SNRPD3: variants seen among roughly 807,000 people sequenced by gnomAD.
The protein encoded by SNRPD3 is small nuclear ribonucleoprotein D3 polypeptide, also known as small nuclear ribonucleoprotein Sm D3.
For missense variants in SNRPD3, 73 were observed against 167.5 expected (o/e 0.44, Z 3.11); for synonymous variants, 66 against 58.4 (o/e 1.13, Z -0.59).
chr22:24,569,946 C>T (rs1015271817), intron 3 of SNRPD3, among the ~76,000 whole-genome samples: 4 of 152,246 alleles, frequency 2.6e-5, no homozygotes, highest in Non-Finnish European at 4.4e-5. Context: ...TGTCAGGCTG[C>T]GCATGATCAG....
intron 1 of SNRPD3, 50 bp from the exon 2 acceptor site, chr22:24,557,607 G>C: frequency 7.1e-7 from 1 of 1,406,516 alleles, no homozygotes; most frequent in Non-Finnish European, 1.0e-6. Flanking sequence ...TGTGCCACAT[G>C]CCTTTTCAGA....
chr22:24,571,783 A>G, intron 3 of SNRPD3, 133 bp from the exon 4 acceptor site: 1 of 769,906 alleles, frequency 1.3e-6, no homozygotes, highest in South Asian at 1.6e-5. Flanking sequence ...TGGAAATGCA[A>G]TGGCCAGGGT....
chr22:24,568,253 G>A, intron 3 of SNRPD3, 77 bp downstream of exon 3: 2 of 1,150,836 alleles, frequency 1.7e-6, no homozygotes, highest in Non-Finnish European at 2.5e-6. Flanking sequence ...ATTACTGCCT[G>A]GAGACAGAGA....
rs145050010 is a variant in SNRPD3, at chr22:24,573,785, G to T, written c.*1808G>T. On this transcript the variant is annotated 3_prime_UTR_variant, in exon 4 of 4. Transcript: ENST00000215829. Reference sequence around the variant, plus strand: ...AGTCCCAGCTATCCTGGAGGTTGAGGCAGGACGACCACATGAGCCCAGGAG... The same window carrying T: ...AGTCCCAGCTATCCTGGAGGTTGAGTCAGGACGACCACATGAGCCCAGGAG... 7.7e-4 allele frequency among the ~76,000 whole-genome samples: 117 copies of T among 152,288 alleles called. No individual in the cohort carries two copies. Among genetic ancestry groups the T allele is most frequent in the African/African-American group, 2.5e-3 (105 of 41,542 alleles).
In SNRPD3 at chr22:24,557,700, T is replaced by C; in HGVS notation, c.26T>C (p.Val9Ala). ...ATGTCTATTGGTGTGCCGATTAAAG[T>C]ACTGCATGAGGCCGAGGGCCACATT... is the stretch of plus-strand genomic sequence containing the variant. MSIGVPIK[V>A]LHEAEGHIVT... Residue 9 changes from valine to alanine, a missense_variant, in exon 2 of 4, where the codon GTA becomes GCA. Coordinates refer to ENST00000215829, the MANE Select transcript of SNRPD3 (RefSeq NM_004175.5). 4 of 1,613,044 alleles carry C rather than the reference T, an allele frequency of 2.5e-6. No individual in the cohort carries two copies. Among genetic ancestry groups the C allele is most frequent in the Non-Finnish European group, 3.4e-6 (4 of 1,179,282 alleles).
chr22:24,569,534 C>T (rs2045228918), intron 3 of SNRPD3, among the ~76,000 whole-genome samples: 1 of 152,202 alleles, frequency 6.6e-6, no homozygotes, highest in African/African-American at 2.4e-5. Context: ...ACCAAGCAAG[C>T]AGTCAGTTCT....
intron 2 of SNRPD3, 126 bp from the exon 3 acceptor site, chr22:24,567,858 G>A: frequency 1.5e-6 from 1 of 689,022 alleles, no homozygotes; most frequent in Non-Finnish European, 2.5e-6. Context: ...GATGATTGCT[G>A]GGTAATTCAC....
intron 3 of SNRPD3, among the ~76,000 whole-genome samples, chr22:24,569,614 G>C (rs1241591762): frequency 6.6e-6 from 1 of 152,130 alleles, no homozygotes; most frequent in Non-Finnish European, 1.5e-5. Context: ...AAAAACCACA[G>C]GTTGAGGGCT....
At chr22:24,555,945 G>A (rs2045053383), upstream of SNRPD3, 3 of 1,050,302 alleles carry the variant, frequency 2.9e-6, no homozygotes, top group Admixed American at 2.4e-5. Context: ...GAAGGAGGCG[G>A]GCCCTGCGCG....
In SNRPD3 at chr22:24,572,684, C is replaced by T. The variant is rs2045260164; in HGVS notation, c.*707C>T. ...GCTGAGGCAGAAGATTCGCTTGAAC[C>T]CAGGAGGTGGACATTGCAGTGAGCA... On this transcript the variant is annotated 3_prime_UTR_variant, in exon 4 of 4. Transcript: ENST00000215829. 6.3e-6 allele frequency: 1 copy of T among 158,384 alleles called. No individual in the cohort carries two copies. The highest frequency in any genetic ancestry group is 1.4e-5 in the Non-Finnish European group (1 of 72,236). 9.8% of individuals were successfully genotyped at this position (158,384 alleles called of 1,614,324 possible).
chr22:24,555,706 C>A (rs2045044297), upstream of SNRPD3: 2 of 1,550,686 alleles, frequency 1.3e-6, no homozygotes, highest in Admixed American at 2.0e-5. Flanking sequence ...GGGCCCAAGC[C>A]CCGCGTCTCC....
chr22:24,564,231 C>A (rs1011241463), intron 2 of SNRPD3, among the ~76,000 whole-genome samples: 1 of 152,086 alleles, frequency 6.6e-6, no homozygotes, highest in Non-Finnish European at 1.5e-5. Context: ...CCTGAGACAC[C>A]CCAACACACC....
intron 2 of SNRPD3, among the ~76,000 whole-genome samples, chr22:24,564,694 T>G (rs2045178969): frequency 6.6e-6 from 1 of 152,116 alleles, no homozygotes; most frequent in Admixed American, 6.6e-5. Context: ...CTAGATTAAG[T>G]CTTGTCGGAC....
chr22:24,567,472 C>G (rs1490376770), intron 2 of SNRPD3, among the ~76,000 whole-genome samples: 1 of 152,074 alleles, frequency 6.6e-6, no homozygotes, highest in African/African-American at 2.4e-5. Flanking sequence ...CTCGGCTGGG[C>G]GCAGTGGCTC....
intron 3 of SNRPD3, among the ~76,000 whole-genome samples, chr22:24,570,792 C>G (rs2045242422): frequency 1.4e-5 from 2 of 146,968 alleles, no homozygotes; most frequent in South Asian, 4.4e-4. Context: ...AGTGTGTTTT[C>G]TTTTTGCTAC....
In SNRPD3 at chr22:24,563,294, A is replaced by G. The variant is rs7511603; in HGVS notation, c.127-4690A>G. ...TGTATATATATGTGTGTGTGTGTGT[A>G]TATATATATATATTTTTTTTTTTAA... On this transcript the variant is annotated intron_variant, in intron 2 of 3. Coordinates refer to ENST00000215829, the MANE Select transcript of SNRPD3 (RefSeq NM_004175.5). Among the ~76,000 whole-genome samples, 354 of 74,616 alleles carry G rather than the reference A, an allele frequency of 4.7e-3. 3 individuals carry two copies. Among genetic ancestry groups the G allele is most frequent in the African/African-American group, 0.014 (267 of 19,040 alleles). The allele number at this position is 74,616 out of a possible 152,430, so 49.0% of individuals were successfully genotyped here.
At chr22:24,560,208 C>A (rs2045120712) in intron 2 of SNRPD3, among the ~76,000 whole-genome samples, 1 of 150,260 alleles carries the variant, frequency 6.7e-6, no homozygotes, top group African/African-American at 2.5e-5. Flanking sequence ...CCTCTGCCTT[C>A]CAGGTTCAAG....
At chr22:24,571,699 A>G (rs541804689) in intron 3 of SNRPD3, among the ~76,000 whole-genome samples, 2 of 151,808 alleles carry the variant, frequency 1.3e-5, no homozygotes, top group East Asian at 1.9e-4. Context: ...AGCCGAGATC[A>G]TGCCACTGCA....
chr22:24,568,923 G>A (rs1014276874), intron 3 of SNRPD3, among the ~76,000 whole-genome samples: 9 of 152,148 alleles, frequency 5.9e-5, no homozygotes, highest in South Asian at 2.1e-4. Flanking sequence ...TGGTCAGGCT[G>A]GTCTTGAAGT....
Sources: allele counts gnomAD v4.1 joint callset (sites outside exome capture counted in the v4.1 genomes callset), GRCh38; gene constraint gnomAD v4.1.1; transcripts MANE v1.5; gene names NCBI Gene and HGNC (gene_info 2026-07-23, HGNC 2026-07-21).